DBF4B: variants seen among roughly 807,000 people sequenced by gnomAD.
DBF4B encodes the protein DBF4B-CDC7 kinase regulatory subunit.
A neutral mutation model predicts 53.4 loss-of-function variants in DBF4B; 49 were observed. That is an observed-to-expected ratio of 0.92 (90% CI 0.73 to 1.16). The LOEUF (loss-of-function observed/expected upper bound fraction) is 1.16. Ranked by LOEUF, DBF4B falls within the 50% of genes most tolerant of loss-of-function variation. The pLI is 0.00. For synonymous variants in DBF4B, 257 were observed against 288.7 expected, an observed-to-expected ratio of 0.89 and a Z score of 1.11; for missense variants, 692 against 775.0, an observed-to-expected ratio of 0.89 and a Z score of 1.27.
chr17:44,716,736 G>T (rs1973366955), intron 2 of DBF4B, among the ~76,000 whole-genome samples: 1 of 152,146 alleles, frequency 6.6e-6, no homozygotes, highest in African/African-American at 2.4e-5. Flanking sequence ...GCTGGGGTGG[G>T]AGAGGGTTCT....
At chr17:44,733,993 C>A in intron 6 of DBF4B, 97 bp from the exon 7 acceptor site, 1 of 980,546 alleles carries the variant, frequency 1.0e-6, no homozygotes, top group Non-Finnish European at 1.6e-6. Context: ...ATTCAGTGGG[C>A]TGGCCCAGCG....
intron 13 of DBF4B, 42 bp downstream of exon 13, chr17:44,748,507 C>G: frequency 6.2e-7 from 1 of 1,612,520 alleles, no homozygotes; most frequent in Non-Finnish European, 8.5e-7. Flanking sequence ...CACGCAGGCA[C>G]CAGCTGAACG....
chr17:44,739,642 C>T (rs763980449), intron 9 of DBF4B, among the ~76,000 whole-genome samples: 1 of 152,224 alleles, frequency 6.6e-6, no homozygotes, highest in Admixed American at 6.5e-5. Flanking sequence ...GGCTGAAAGG[C>T]ACTGTTACAG....
intron 9 of DBF4B, among the ~76,000 whole-genome samples, chr17:44,739,221 G>A (rs1014213566): frequency 5.9e-5 from 9 of 152,208 alleles, no homozygotes; most frequent in Non-Finnish European, 1.2e-4. Flanking sequence ...GTACAAGATC[G>A]AAAGTGTATG....
chr17:44,709,254 G>A, intron 1 of DBF4B, 50 bp from the exon 2 acceptor site: 1 of 1,611,902 alleles, frequency 6.2e-7, no homozygotes, highest in Non-Finnish European at 8.5e-7. Flanking sequence ...AGGCATGGAA[G>A]TTCCAAGGGT....
At chr17:44,724,033 G>A (rs959248434) in intron 3 of DBF4B, among the ~76,000 whole-genome samples, 12 of 152,074 alleles carry the variant, frequency 7.9e-5, no homozygotes, top group Admixed American at 3.9e-4. Flanking sequence ...CCCAAAAGGC[G>A]GAGGTTACAG....
At chr17:44,743,607 C>CTTTTT (rs71136042) in intron 10 of DBF4B, among the ~76,000 whole-genome samples, 4 of 114,084 alleles carry the variant, frequency 3.5e-5, no homozygotes, top group African/African-American at 1.4e-4. Flanking sequence ...CTGTATGATT[C>CTTTTT]TTTTTTTTTT....
At chr17:44,739,576 C>A (rs554733652) in intron 9 of DBF4B, among the ~76,000 whole-genome samples, 7 of 152,338 alleles carry the variant, frequency 4.6e-5, no homozygotes, top group African/African-American at 1.7e-4. Context: ...ATTGCGTGTT[C>A]ATCCCCAGCC....
Position 44,736,811 on chromosome 17 carries a change from A to G in DBF4B, c.631-19A>G. 6.2e-7 allele frequency: 1 copy of G among 1,613,614 alleles called. No individual in the cohort carries two copies. The highest frequency in any genetic ancestry group is 8.5e-7 in the Non-Finnish European group (1 of 1,179,842). On this transcript the variant is annotated intron_variant, in intron 7 of 13. Transcript: ENST00000315005. Reference sequence around the variant, plus strand: ...CGTGGCTTCCTCACATCCTTAACCTATTTTTCCTTTCCATTTAGGGAACAT... The same window carrying G: ...CGTGGCTTCCTCACATCCTTAACCTGTTTTTCCTTTCCATTTAGGGAACAT...
At chr17:44,721,654 T>C (rs1461875752) in intron 2 of DBF4B, among the ~76,000 whole-genome samples, 1 of 152,128 alleles carries the variant, frequency 6.6e-6, no homozygotes, top group Non-Finnish European at 1.5e-5. Flanking sequence ...AGACAATCTA[T>C]ACCAGATAAA....
At chr17:44,724,702 A>G (rs1432731099) in intron 3 of DBF4B, among the ~76,000 whole-genome samples, 3 of 152,148 alleles carry the variant, frequency 2.0e-5, no homozygotes, top group African/African-American at 7.2e-5. Flanking sequence ...CTTAATGGCC[A>G]GTTGTGGTGG....
Position 44,749,955 on chromosome 17 carries a change from C to T in DBF4B, c.1190-640C>T, listed in dbSNP as rs961740787. 4.0e-6 allele frequency: 4 copies of T among 1,009,552 alleles called. No homozygotes were observed. In the African/African-American group the frequency reaches 5.2e-5, roughly 13 times the overall value. The allele number at this position is 1,009,552 out of a possible 1,614,324, so 62.5% of individuals were successfully genotyped here. A position where few individuals can be genotyped will look rare whatever the true frequency, so the allele number is the denominator to read the frequency against. ...AGCAGAGGAGGGGCTTGGGCTGCAC[C>T]ACTCACAGAGCTCCCTCCCCCAGGC... On this transcript the variant is annotated intron_variant, in intron 13 of 13. Transcript: ENST00000315005. The surrounding 1 kb of genome is among the most constrained non-coding windows in gnomAD (Gnocchi z 4.4).
chr17:44,720,864 C>CT (rs35497738), intron 2 of DBF4B, among the ~76,000 whole-genome samples: 5,032 of 141,688 alleles, frequency 0.036, 185 homozygotes, highest in African/African-American at 0.094. Context: ...TATTATCTGG[C>CT]TTTTTTTTTT....
chr17:44,749,670 A>G lies in DBF4B; in HGVS notation c.1190-925A>G. 8.6e-7 allele frequency: 1 copy of G among 1,166,678 alleles called. No individual in the cohort carries two copies. Among genetic ancestry groups the G allele is most frequent in the East Asian group, 6.0e-5 (1 of 16,678 alleles). 72.3% of individuals were successfully genotyped at this position (1,166,678 alleles called of 1,614,324 possible). On this transcript the variant is annotated intron_variant, in intron 13 of 13. Transcript: ENST00000315005. The surrounding 1 kb of genome is among the most constrained non-coding windows in gnomAD (Gnocchi z 4.4). Reference sequence around the variant, plus strand: ...CTTGCCCAGCTGAGGCTGGCCGCCCACGCCAGGAGGCAGAGGCGAAGTTGG... The same window carrying G: ...CTTGCCCAGCTGAGGCTGGCCGCCCGCGCCAGGAGGCAGAGGCGAAGTTGG...
chr17:44,734,774 G>A (rs999694961), intron 7 of DBF4B, among the ~76,000 whole-genome samples: 1 of 152,202 alleles, frequency 6.6e-6, no homozygotes, highest in Non-Finnish European at 1.5e-5. Flanking sequence ...AGTTAACAGT[G>A]CTAATTAGCT....
intron 3 of DBF4B, among the ~76,000 whole-genome samples, chr17:44,723,784 A>G (rs1859857): frequency 0.086 from 13,065 of 151,752 alleles, 616 homozygotes; most frequent in East Asian, 0.14. Flanking sequence ...TAAATAAATA[A>G]CCTTCAAAAA....
intron 1 of DBF4B, 80 bp downstream of exon 1, chr17:44,708,919 G>A: frequency 6.5e-7 from 1 of 1,527,392 alleles, no homozygotes; most frequent in Non-Finnish European, 8.8e-7. Flanking sequence ...CGTGGAGGGG[G>A]CTTAGGAAGT....
At chr17:44,743,841 C>G (rs1057085045) in intron 10 of DBF4B, among the ~76,000 whole-genome samples, 1 of 151,334 alleles carries the variant, frequency 6.6e-6, no homozygotes, top group African/African-American at 2.4e-5. Context: ...AACTCCTGAC[C>G]TCGTGATCCA....
At position 44,749,718 on chromosome 17, in the gene DBF4B, G is replaced by T. The variant is rs2049227093; in HGVS notation, c.1190-877G>T. The stretch of plus-strand genomic sequence containing the variant: ...TGGCATGGGGAGGGACCACAAAGGA[G>T]CTGGGGCAGCAGGAGTCCTGGCCCG... On this transcript the variant is annotated intron_variant, in intron 13 of 13. Transcript: ENST00000315005. This position sits in a 1 kb window ranked among gnomAD's most constrained non-coding sequence, Gnocchi z 4.4. 4 of 1,142,846 alleles carry T rather than the reference G, an allele frequency of 3.5e-6. No individual in the cohort carries two copies. The highest frequency in any genetic ancestry group is 4.0e-4 in the Middle Eastern group (1 of 2,498). The allele number at this position is 1,142,846 out of a possible 1,614,324, so 70.8% of individuals were successfully genotyped here. A position where few individuals can be genotyped will look rare whatever the true frequency, so the allele number is the denominator to read the frequency against.
Sources: allele counts gnomAD v4.1 joint callset (sites outside exome capture counted in the v4.1 genomes callset), GRCh38; gene constraint gnomAD v4.1.1; non-coding constraint Gnocchi (gnomAD v3.1); transcripts MANE v1.5; gene names NCBI Gene and HGNC (gene_info 2026-07-23, HGNC 2026-07-21).